Variants in TPD52L1 observed in about 807,000 individuals in gnomAD.
TPD52L1 encodes tumor protein D53.
In TPD52L1, 18 loss-of-function variants were observed where a neutral mutation model predicts 28.7. That is an observed-to-expected ratio of 0.63 (90% CI 0.43 to 0.93). The LOEUF is 0.93. Among genes scored for constraint, TPD52L1 ranks in the 40% least tolerant of loss-of-function variants. The probability of loss-of-function intolerance (pLI) is 0.00; values close to 1 mark genes in which losing one functional copy is unlikely to be tolerated. For missense variants in TPD52L1, 203 were observed against 254.8 expected, an observed-to-expected ratio of 0.80 and a Z score of 1.39; for synonymous variants, 75 against 88.8, an observed-to-expected ratio of 0.84 and a Z score of 0.88.
intron 1 of TPD52L1, among the ~76,000 whole-genome samples, chr6:125,217,614 C>T (rs188428204): frequency 1.3e-5 from 2 of 152,256 alleles, no homozygotes; most frequent in Admixed American, 1.3e-4. Context: ...CACCTCTCAC[C>T]TCCCGTGGTG....
intron 1 of TPD52L1, among the ~76,000 whole-genome samples, chr6:125,174,255 A>G (rs1242918877): frequency 6.6e-6 from 1 of 152,212 alleles, no homozygotes; most frequent in African/African-American, 2.4e-5. Context: ...CTAGTGAAAC[A>G]GACACGAAAG....
At position 125,154,114 on chromosome 6, in the gene TPD52L1, G is replaced by C. The variant is rs1789953194; in HGVS notation, c.19+144G>C. On this transcript the variant is annotated intron_variant, in intron 1 of 6. Coordinates refer to ENST00000534000, the MANE Select transcript of TPD52L1 (RefSeq NM_003287.4). ...AACTCCACTCCCACCCGCGCCTTTGGTATAATGCCTGCTGCCCAAACTCAG... is the reference window on the plus strand; with the variant it reads ...AACTCCACTCCCACCCGCGCCTTTGCTATAATGCCTGCTGCCCAAACTCAG... 7.0e-6 allele frequency: 10 copies of C among 1,418,626 alleles called. 1 individual carries two copies. In the South Asian group the frequency reaches 1.5e-4, roughly 21 times the overall value. 87.9% of individuals were successfully genotyped at this position (1,418,626 alleles called of 1,614,324 possible). A position where few individuals can be genotyped will look rare whatever the true frequency, so the allele number is the denominator to read the frequency against.
At chr6:125,242,423 A>C (rs926021349) in intron 3 of TPD52L1, among the ~76,000 whole-genome samples, 6 of 147,756 alleles carry the variant, frequency 4.1e-5, no homozygotes, top group East Asian at 2.0e-4. Context: ...ATTGCCATCT[A>C]TCTCATTTCT....
At chr6:125,168,997 C>G (rs1791099858) in intron 1 of TPD52L1, among the ~76,000 whole-genome samples, 1 of 152,150 alleles carries the variant, frequency 6.6e-6, no homozygotes, top group Non-Finnish European at 1.5e-5. Context: ...CTCCCTCTTT[C>G]TTTGTGCCCT....
rs568858753 is a variant in TPD52L1 at position 125,193,947 on chromosome 6, T to C, written c.20-26131T>C. Among the ~76,000 whole-genome samples, 16 of 151,984 alleles carry C rather than the reference T, an allele frequency of 1.1e-4. No homozygotes were observed. The East Asian group carries it at 3.1e-3, about 29-fold the overall frequency. Reference sequence around the variant, plus strand: ...TTTTCTTGAGGCTAACACTGATGGTTCAATTTATAGATCAAGTCTCTTCAA... The same window carrying C: ...TTTTCTTGAGGCTAACACTGATGGTCCAATTTATAGATCAAGTCTCTTCAA... On this transcript the variant is annotated intron_variant, in intron 1 of 6. Transcript: ENST00000534000.
chr6:125,174,849 AG>A (rs1791721628), intron 1 of TPD52L1, among the ~76,000 whole-genome samples: 1 of 152,174 alleles, frequency 6.6e-6, no homozygotes. Flanking sequence ...TGCATGGGGA[AG>A]GGTGCATGTC....
chr6:125,233,968 A>G (rs1796106342), intron 3 of TPD52L1, among the ~76,000 whole-genome samples: 1 of 152,174 alleles, frequency 6.6e-6, no homozygotes, highest in Admixed American at 6.5e-5. Flanking sequence ...TCAAACAGCT[A>G]ACCTGTCCTT....
chr6:125,240,018 G>A (rs1353190587), intron 3 of TPD52L1, among the ~76,000 whole-genome samples: 5 of 152,108 alleles, frequency 3.3e-5, no homozygotes, highest in African/African-American at 1.2e-4. Flanking sequence ...TGAGAGATGA[G>A]GATCCAGTTT....
intron 4 of TPD52L1, 37 bp from the exon 5 acceptor site, chr6:125,253,673 CTTCTTTT>C (rs780183290): frequency 2.5e-6 from 4 of 1,583,822 alleles, no homozygotes; most frequent in East Asian, 2.2e-5. Context: ...TGTGTGCTCT[CTTCTTTT>C]TTCTTTTTTC....
chr6:125,261,014 GAAAGAAAAGAA>G (rs1797998797), intron 6 of TPD52L1: 1 of 43,046 alleles, frequency 2.3e-5, no homozygotes, highest in South Asian at 1.2e-3. Context: ...AAGAAAGAAA[GAAAGAAAAGAA>G]AAGAAAGAAA....
chr6:125,192,311 C>T (rs1347477406), intron 1 of TPD52L1, among the ~76,000 whole-genome samples: 1 of 145,736 alleles, frequency 6.9e-6, no homozygotes, highest in African/African-American at 2.5e-5. Context: ...AGAACAACAA[C>T]AAAAAAAATC....
chr6:125,216,043 G>A (rs1794847972), intron 1 of TPD52L1, among the ~76,000 whole-genome samples: 1 of 152,188 alleles, frequency 6.6e-6, no homozygotes, highest in Non-Finnish European at 1.5e-5. Context: ...CAGGGGTGGG[G>A]TGGAGCTTAC....
chr6:125,245,604 G>A (rs1248889706), intron 3 of TPD52L1, among the ~76,000 whole-genome samples: 1 of 152,108 alleles, frequency 6.6e-6, no homozygotes, highest in African/African-American at 2.4e-5. Flanking sequence ...GTGGGGGTTG[G>A]GGGGTGTGGT....
intron 1 of TPD52L1, among the ~76,000 whole-genome samples, chr6:125,182,817 G>A (rs1417384921): frequency 2.0e-5 from 3 of 152,190 alleles, no homozygotes; most frequent in Non-Finnish European, 4.4e-5. Flanking sequence ...CGAGTAAACA[G>A]AGGCCCAGGG....
chr6:125,173,805 A>C (rs1791650252), intron 1 of TPD52L1, among the ~76,000 whole-genome samples: 1 of 152,158 alleles, frequency 6.6e-6, no homozygotes, highest in African/African-American at 2.4e-5. Flanking sequence ...CTAGATGCTG[A>C]TACTTCTCGT....
chr6:125,213,523 A>G (rs1338728766), intron 1 of TPD52L1, among the ~76,000 whole-genome samples: 1 of 152,034 alleles, frequency 6.6e-6, no homozygotes, highest in African/African-American at 2.4e-5. Context: ...CTCTCATTGG[A>G]GGGAGATTCT....
At chr6:125,202,859 C>T (rs1322879708) in intron 1 of TPD52L1, among the ~76,000 whole-genome samples, 2 of 147,814 alleles carry the variant, frequency 1.4e-5, no homozygotes, top group Non-Finnish European at 3.0e-5. Flanking sequence ...TCTGCCTCCC[C>T]GGTTCAAGCA....
chr6:125,243,032 C>T (rs1161921633), intron 3 of TPD52L1, among the ~76,000 whole-genome samples: 2 of 151,298 alleles, frequency 1.3e-5, no homozygotes, highest in Admixed American at 6.6e-5. Context: ...CTGCAAAAGA[C>T]TTTCTCTCTC....
chr6:125,167,532 C>T (rs552210921), intron 1 of TPD52L1, among the ~76,000 whole-genome samples: 11 of 152,158 alleles, frequency 7.2e-5, no homozygotes, highest in Non-Finnish European at 1.6e-4. Flanking sequence ...TTGTAATTTT[C>T]ACGTGACAAT....
Sources: allele counts gnomAD v4.1 joint callset (sites outside exome capture counted in the v4.1 genomes callset), GRCh38; gene constraint gnomAD v4.1.1; transcripts MANE v1.5; gene names NCBI Gene and HGNC (gene_info 2026-07-23, HGNC 2026-07-21).